EPM2A: variants seen among roughly 807,000 people sequenced by gnomAD.
The protein encoded by EPM2A is laforin.
In EPM2A, 21 loss-of-function variants were observed where a neutral mutation model predicts 26.5. That is an observed-to-expected ratio of 0.79 (90% confidence interval 0.56 to 1.14). The LOEUF is 1.14. EPM2A is among the 50% of genes most tolerant of loss of function. The pLI is 0.00. For missense variants in EPM2A, 458 were observed against 440.8 expected (o/e 1.04, Z -0.35); for synonymous variants, 217 against 177.6 (o/e 1.22, Z -1.76).
chr6:145,663,440 C>T (rs1315094987), intron 2 of EPM2A, among the ~76,000 whole-genome samples: 1 of 152,210 alleles, frequency 6.6e-6, no homozygotes. Context: ...GGCATTGCCT[C>T]ACCTGGGAAG....
At chr6:145,711,921 T>C (rs1186356813) in intron 1 of EPM2A, among the ~76,000 whole-genome samples, 3 of 152,180 alleles carry the variant, frequency 2.0e-5, no homozygotes, top group Non-Finnish European at 4.4e-5. Context: ...AATTAACTTA[T>C]ACTAACTTGC....
intron 4 of EPM2A, chr6:145,384,125 T>C (rs920975064): frequency 2.0e-5 from 3 of 151,594 alleles, no homozygotes; most frequent in Non-Finnish European, 2.9e-5. Context: ...GAGGGGAGAG[T>C]CTTGAGATTA....
intron 3 of EPM2A, chr6:145,633,734 G>A (rs1316630038): frequency 3.9e-5 from 6 of 152,154 alleles, no homozygotes; most frequent in African/African-American, 1.4e-4. Context: ...GCAATTTGTA[G>A]GCTCTGCCTA....
chr6:145,505,396 A>AAC (rs1374153936), intron 2 of EPM2A, among the ~76,000 whole-genome samples: 3 of 147,354 alleles, frequency 2.0e-5, no homozygotes, highest in Admixed American at 6.7e-5. Flanking sequence ...CACACACACA[A>AAC]ACACACACAC....
chr6:145,422,762 A>G (rs1025385092), intron 4 of EPM2A, among the ~76,000 whole-genome samples: 1 of 152,056 alleles, frequency 6.6e-6, no homozygotes, highest in Admixed American at 6.6e-5. Flanking sequence ...TTATCCTACT[A>G]TTCCCCTATT....
At chr6:145,583,281 G>A (rs1781140651) in intron 2 of EPM2A, among the ~76,000 whole-genome samples, 2 of 152,120 alleles carry the variant, frequency 1.3e-5, no homozygotes, top group African/African-American at 4.8e-5. Flanking sequence ...TTATTTGTGT[G>A]GGCTGATGTT....
downstream of EPM2A, among the ~76,000 whole-genome samples, chr6:145,624,261 C>T (rs531826895): frequency 4.6e-5 from 7 of 152,304 alleles, no homozygotes; most frequent in Admixed American, 3.9e-4. Context: ...TTCCCAGGCA[C>T]ATAACCTTGA....
At chr6:145,436,338 A>G (rs1340594466) in intron 4 of EPM2A, among the ~76,000 whole-genome samples, 1 of 152,216 alleles carries the variant, frequency 6.6e-6, no homozygotes, top group Non-Finnish European at 1.5e-5. Context: ...GTATCTTTTC[A>G]ATTCCCTTAG....
At chr6:145,704,425 T>C (rs953894092) in intron 1 of EPM2A, among the ~76,000 whole-genome samples, 1 of 152,244 alleles carries the variant, frequency 6.6e-6, no homozygotes, top group Non-Finnish European at 1.5e-5. Context: ...GAAAAGATTT[T>C]AAGAATTTCC....
intron 2 of EPM2A, among the ~76,000 whole-genome samples, chr6:145,522,460 A>G (rs370801298): frequency 3.9e-5 from 6 of 152,230 alleles, no homozygotes; most frequent in African/African-American, 7.2e-5. Flanking sequence ...AGAAACCTGG[A>G]CTTACTAGAC....
intron 2 of EPM2A, among the ~76,000 whole-genome samples, chr6:145,659,042 T>C (rs1274712142): frequency 6.6e-6 from 1 of 152,192 alleles, no homozygotes; most frequent in Non-Finnish European, 1.5e-5. Context: ...TACCAGCCAC[T>C]TGACTTACAA....
At chr6:145,666,372 GACAA>G (rs1183867863) in intron 2 of EPM2A, among the ~76,000 whole-genome samples, 2 of 105,226 alleles carry the variant, frequency 1.9e-5, no homozygotes, top group African/African-American at 9.9e-5. Context: ...ACCAAGAACA[GACAA>G]ACAGAGAGCC....
chr6:145,419,183 C>G lies in EPM2A; in HGVS notation c.556-35086G>C, dbSNP rs951774938. ...CCCAAGCAAATTCTGTTAAATGTCC[C>G]CCCCCCCCGCTCCTTTCCCCAGCAG... On this transcript the variant is annotated intron_variant, in intron 4 of 4. Coordinates refer to the EPM2A transcript ENST00000638717. 2.1e-4 allele frequency among the ~76,000 whole-genome samples: 31 copies of G among 146,790 alleles called. 1 individual carries two copies. The highest frequency in any genetic ancestry group is 1.3e-3 in the East Asian group (6 of 4,734).
At chr6:145,575,389 C>A (rs1195357692) in intron 2 of EPM2A, among the ~76,000 whole-genome samples, 6 of 152,132 alleles carry the variant, frequency 3.9e-5, no homozygotes, top group African/African-American at 1.4e-4. Flanking sequence ...GTGCACACAC[C>A]TTTTGTTGCA....
rs1775782634 is a variant in EPM2A at position 145,625,965 on chromosome 6, C to G, written c.*1451G>C. 1 of 1,225,608 alleles carries G rather than the reference C, an allele frequency of 8.2e-7. No homozygotes were observed. Among genetic ancestry groups the G allele is most frequent in the Non-Finnish European group, 1.1e-6 (1 of 920,534 alleles). 75.9% of individuals were successfully genotyped at this position (1,225,608 alleles called of 1,614,324 possible). On this transcript the variant is annotated 3_prime_UTR_variant, in exon 4 of 4. Coordinates refer to ENST00000367519, the MANE Select transcript of EPM2A (RefSeq NM_005670.4). ...AACCCAGCTTTGTATCTCACTTCATCTATTTATTCATCATGTGACAATAGA... is the reference window on the plus strand; with the variant it reads ...AACCCAGCTTTGTATCTCACTTCATGTATTTATTCATCATGTGACAATAGA...
At chr6:145,559,075 T>C (rs527522607) in intron 2 of EPM2A, among the ~76,000 whole-genome samples, 49 of 152,272 alleles carry the variant, frequency 3.2e-4, no homozygotes, top group African/African-American at 1.2e-3. Flanking sequence ...ATTTTCACAA[T>C]TCCAGAGGTA....
intron 4 of EPM2A, among the ~76,000 whole-genome samples, chr6:145,417,575 C>T (rs895678746): frequency 6.2e-4 from 95 of 152,118 alleles, no homozygotes; most frequent in African/African-American, 2.0e-3. Context: ...AGCTGAAGCT[C>T]CAATATAATT....
intron 4 of EPM2A, among the ~76,000 whole-genome samples, chr6:145,424,976 C>A (rs1355206572): frequency 1.6e-5 from 1 of 62,522 alleles, no homozygotes; most frequent in Non-Finnish European, 3.6e-5. Flanking sequence ...AGACATAGAT[C>A]CATATCTATC....
At chr6:145,569,112 C>G (rs1364422816) in intron 2 of EPM2A, among the ~76,000 whole-genome samples, 3 of 152,190 alleles carry the variant, frequency 2.0e-5, no homozygotes, top group African/African-American at 7.2e-5. Context: ...AAAGGAAAAG[C>G]AAAATAGCAC....
Sources: gnomAD v4.1 joint callset for allele counts (sites outside exome capture counted in the v4.1 genomes callset) on GRCh38, gnomAD v4.1.1 for gene constraint, MANE v1.5 for transcripts, NCBI Gene and HGNC (gene_info 2026-07-23, HGNC 2026-07-21) for gene names.